LUZP2: variants seen among roughly 807,000 people sequenced by gnomAD.
LUZP2 encodes the protein leucine zipper protein 2.
Under a neutral mutation model 51.6 loss-of-function variants are expected in LUZP2, and 52 were observed. The observed-to-expected ratio is 1.01, with a 90% confidence interval of 0.81 to 1.27. The LOEUF (loss-of-function observed/expected upper bound fraction) is 1.27, where lower values mean the gene tolerates loss of function less well. Among genes scored for constraint, LUZP2 ranks in the 50% most tolerant of loss-of-function variants. The pLI, the probability that LUZP2 is intolerant of heterozygous loss-of-function variation, is 0.00. For missense variants in LUZP2, 436 were observed against 395.4 expected, an observed-to-expected ratio of 1.10 and a Z score of -0.87; for synonymous variants, 154 against 137.3, an observed-to-expected ratio of 1.12 and a Z score of -0.85.
intron 1 of LUZP2, among the ~76,000 whole-genome samples, chr11:24,610,218 C>T (rs1444504991): frequency 2.6e-5 from 4 of 152,110 alleles, no homozygotes; most frequent in Admixed American, 2.6e-4. Flanking sequence ...AATAGAGACA[C>T]AAATAGTGAC....
chr11:25,002,065 T>C (rs960681241), intron 9 of LUZP2, among the ~76,000 whole-genome samples: 4 of 152,246 alleles, frequency 2.6e-5, no homozygotes, highest in Admixed American at 2.6e-4. Flanking sequence ...TTTCTTTCCA[T>C]ATTGCAGCAT....
At position 24,641,316 on chromosome 11, in the gene LUZP2, G is replaced by T. The variant is rs906693877; in HGVS notation, c.63-87853G>T. Among the ~76,000 whole-genome samples the T allele has an allele frequency of 1.4e-4, 22 of 151,790 alleles. No homozygotes were observed. The East Asian group carries it at 4.1e-3, about 28-fold the overall frequency. The stretch of plus-strand genomic sequence containing the variant: ...AAATATAATATGATATCAACAACTT[G>T]CAGTTGATATTTTTAACAATCTGAA... On this transcript the variant is annotated intron_variant, in intron 1 of 11. Transcript: ENST00000336930.
intron 7 of LUZP2, among the ~76,000 whole-genome samples, chr11:24,922,703 A>G: frequency 6.6e-6 from 1 of 152,148 alleles, no homozygotes; most frequent in East Asian, 1.9e-4. Flanking sequence ...TTGTGCGTCA[A>G]AATAATTATA....
At chr11:24,674,292 C>T (rs1856481081) in intron 1 of LUZP2, among the ~76,000 whole-genome samples, 1 of 152,166 alleles carries the variant, frequency 6.6e-6, no homozygotes, top group Non-Finnish European at 1.5e-5. Context: ...TTTCAGGAGA[C>T]AGCCTGTGAC....
chr11:25,065,028 G>A (rs1221759748), intron 10 of LUZP2, among the ~76,000 whole-genome samples: 4 of 151,962 alleles, frequency 2.6e-5, no homozygotes, highest in Non-Finnish European at 5.9e-5. Flanking sequence ...AACATTGACA[G>A]GCATAGTAAA....
At chr11:25,027,297 G>T (rs554741148) in intron 9 of LUZP2, among the ~76,000 whole-genome samples, 14 of 152,046 alleles carry the variant, frequency 9.2e-5, no homozygotes, top group Non-Finnish European at 2.1e-4. Flanking sequence ...AAATCACTTT[G>T]GGAGTGCTAA....
chr11:24,560,810 T>C (rs1852015310), intron 1 of LUZP2, among the ~76,000 whole-genome samples: 1 of 152,186 alleles, frequency 6.6e-6, no homozygotes, highest in Admixed American at 6.6e-5. Context: ...AAGATAACTG[T>C]AGTTAAGCTG....
intron 9 of LUZP2, among the ~76,000 whole-genome samples, chr11:25,014,978 G>C (rs908307291): frequency 1.3e-5 from 2 of 152,098 alleles, no homozygotes; most frequent in Admixed American, 1.3e-4. Context: ...TGGCTAGCCA[G>C]TTTCCCCAGC....
chr11:24,591,592 T>G (rs1162526221), intron 1 of LUZP2, among the ~76,000 whole-genome samples: 1 of 152,202 alleles, frequency 6.6e-6, no homozygotes, highest in East Asian at 1.9e-4. Flanking sequence ...TGCCTGTTAA[T>G]ATGCTTCTTG....
chr11:24,741,468 A>G (rs1251645082), intron 4 of LUZP2, among the ~76,000 whole-genome samples: 2 of 151,932 alleles, frequency 1.3e-5, no homozygotes, highest in East Asian at 3.9e-4. Context: ...ATTTGGTTAC[A>G]TGAGGAAATT....
At chr11:25,007,519 C>G (rs913764443) in intron 9 of LUZP2, among the ~76,000 whole-genome samples, 4 of 152,134 alleles carry the variant, frequency 2.6e-5, no homozygotes, top group African/African-American at 9.7e-5. Context: ...AGGAGAATCA[C>G]TTGAACCTGG....
chr11:25,040,017 C>A (rs1446208), intron 9 of LUZP2, among the ~76,000 whole-genome samples: 146,066 of 152,150 alleles, frequency 0.96, 70,369 homozygotes, highest in East Asian at 1. Context: ...GGTGGACCAC[C>A]CTCACACCCC....
intron 9 of LUZP2, among the ~76,000 whole-genome samples, chr11:25,010,198 T>A (rs983228815): frequency 6.6e-6 from 1 of 152,178 alleles, no homozygotes. Flanking sequence ...TTCCTAGTTA[T>A]AAAATCATTG....
intron 9 of LUZP2, among the ~76,000 whole-genome samples, chr11:25,031,545 T>C (rs1366836902): frequency 6.6e-6 from 1 of 152,172 alleles, no homozygotes; most frequent in Admixed American, 6.5e-5. Context: ...ATGTGTATTA[T>C]ATTGTTTTCA....
intron 5 of LUZP2, among the ~76,000 whole-genome samples, chr11:24,769,342 C>T (rs1447868345): frequency 6.6e-6 from 1 of 152,072 alleles, no homozygotes; most frequent in African/African-American, 2.4e-5. Flanking sequence ...ACTGTAGTCA[C>T]CAACAGTGTA....
At chr11:24,764,758 G>A (rs528456840) in intron 5 of LUZP2, among the ~76,000 whole-genome samples, 1 of 152,262 alleles carries the variant, frequency 6.6e-6, no homozygotes, top group Non-Finnish European at 1.5e-5. Context: ...GGGAGGCCAA[G>A]GCAGCAGGGT....
chr11:24,798,768 A>C (rs1479273646), intron 5 of LUZP2, among the ~76,000 whole-genome samples: 1 of 151,626 alleles, frequency 6.6e-6, no homozygotes, highest in Non-Finnish European at 1.5e-5. Context: ...CCTGTGGGAG[A>C]GTTGACATAA....
chr11:24,849,192 A>C (rs1452428634), intron 5 of LUZP2, among the ~76,000 whole-genome samples: 3 of 152,166 alleles, frequency 2.0e-5, no homozygotes, highest in African/African-American at 7.2e-5. Context: ...CAGCTTTGTT[A>C]CATAGGTATA....
In LUZP2 at chr11:24,870,490, G is replaced by GACACACACAC. The variant is rs202205920; in HGVS notation, c.397-35488_397-35479dup. Among the ~76,000 whole-genome samples, 678 of 145,718 alleles carry GACACACACAC rather than the reference G, an allele frequency of 4.7e-3. 6 individuals carry two copies. The highest frequency in any genetic ancestry group is 0.017 in the African/African-American group (651 of 39,144). ...GTTCCTACACACACACACACACACA[G>GACACACACAC]ACACACACACACACACACACACTTC... On this transcript the variant is annotated intron_variant, in intron 5 of 11. Transcript: ENST00000336930.
Sources: gnomAD v4.1 joint callset for allele counts (sites outside exome capture counted in the v4.1 genomes callset) on GRCh38, gnomAD v4.1.1 for gene constraint, MANE v1.5 for transcripts, NCBI Gene and HGNC (gene_info 2026-07-23, HGNC 2026-07-21) for gene names.